SEC63: variants seen among roughly 807,000 people sequenced by gnomAD.
The protein encoded by SEC63 is SEC63 protein translocation regulator, also known as translocation protein SEC63 homolog.
In SEC63, 56 loss-of-function variants were observed where a neutral mutation model predicts 116.2. The ratio of observed to expected loss-of-function variants is 0.48; its 90% confidence interval spans 0.39 to 0.60. The LOEUF is 0.60. SEC63 is among the 20% of genes least tolerant of loss of function. SEC63 has a pLI of 0.00. For synonymous variants in SEC63, 273 were observed against 294.6 expected, an observed-to-expected ratio of 0.93 and a Z score of 0.75; for missense variants, 668 against 900.0, an observed-to-expected ratio of 0.74 and a Z score of 3.30.
intron 16 of SEC63, among the ~76,000 whole-genome samples, chr6:107,887,671 C>A (rs1435376835): frequency 6.6e-6 from 1 of 151,630 alleles, no homozygotes; most frequent in Non-Finnish European, 1.5e-5. Flanking sequence ...GTGGGTGCAG[C>A]GCACCAGCAT....
At chr6:107,927,239 T>A (rs1425190081) in intron 2 of SEC63, among the ~76,000 whole-genome samples, 1 of 151,980 alleles carries the variant, frequency 6.6e-6, no homozygotes, top group African/African-American at 2.4e-5. Context: ...ATTTTTTGTA[T>A]TTTTTTAGTA....
chr6:107,895,860 TAA>T (rs759171759), intron 14 of SEC63, among the ~76,000 whole-genome samples: 7 of 103,660 alleles, frequency 6.8e-5, no homozygotes, highest in African/African-American at 1.7e-4. Flanking sequence ...GCACCTCTAT[TAA>T]AAAAAAAAAA....
intron 1 of SEC63, among the ~76,000 whole-genome samples, chr6:107,932,913 C>G (rs944189840): frequency 6.6e-6 from 1 of 151,984 alleles, no homozygotes; most frequent in Non-Finnish European, 1.5e-5. Flanking sequence ...GTGGGGTAGG[C>G]TGAATAACTG....
intron 1 of SEC63, among the ~76,000 whole-genome samples, chr6:107,944,336 T>C (rs147131067): frequency 2.0e-3 from 300 of 152,274 alleles, no homozygotes; most frequent in African/African-American, 7.0e-3. Flanking sequence ...TAGAAAGATC[T>C]CTATTAGATA....
chr6:107,878,109 T>C (rs927640159), intron 18 of SEC63, among the ~76,000 whole-genome samples: 2 of 152,242 alleles, frequency 1.3e-5, no homozygotes, highest in Admixed American at 6.5e-5. Context: ...GGCTGTGTTC[T>C]AATAAAACTT....
In SEC63 at chr6:107,957,935, G is replaced by A. The variant is rs1197592141; in HGVS notation, c.75C>T (p.Leu25=). The part of the protein sequence containing the change: ...FFYFLTSFVG[L]IVIPATYYLW... ...GGTAGTATGTCGCCGGGATCACGAT[G>A]AGCCCCACGAAGGAGGTGAGGAAGT... The change falls in exon 1 of 21, where the codon CTC becomes CTT. Residue 25 remains leucine (L), a synonymous_variant. Coordinates refer to ENST00000369002, the MANE Select transcript of SEC63 (RefSeq NM_007214.5). 5 of 1,613,290 alleles carry A rather than the reference G, an allele frequency of 3.1e-6. No homozygotes were observed. The highest frequency in any genetic ancestry group is 3.4e-6 in the Non-Finnish European group (4 of 1,179,572).
At chr6:107,889,625 A>G (rs1404946856) in intron 16 of SEC63, among the ~76,000 whole-genome samples, 1 of 151,628 alleles carries the variant, frequency 6.6e-6, no homozygotes. Context: ...GTCTTCTGCT[A>G]GCTTTTGAAT....
intron 1 of SEC63, among the ~76,000 whole-genome samples, chr6:107,939,836 A>G (rs1770336654): frequency 6.6e-6 from 1 of 152,224 alleles, no homozygotes; most frequent in Admixed American, 6.5e-5. Context: ...GTTTCAGAAT[A>G]TAAAAGGCAT....
At chr6:107,896,853 C>T (rs1226173184) in intron 14 of SEC63, among the ~76,000 whole-genome samples, 1 of 151,926 alleles carries the variant, frequency 6.6e-6, no homozygotes, top group Non-Finnish European at 1.5e-5. Flanking sequence ...GTGGCGTGTG[C>T]CTGTAATCCC....
intron 1 of SEC63, among the ~76,000 whole-genome samples, chr6:107,931,563 C>G (rs972181499): frequency 6.6e-6 from 1 of 150,658 alleles, no homozygotes. Flanking sequence ...TCCTAGCTAA[C>G]ACAGTGAAAC....
chr6:107,950,773 A>G (rs1770565641), intron 1 of SEC63, among the ~76,000 whole-genome samples: 3 of 152,232 alleles, frequency 2.0e-5, no homozygotes, highest in African/African-American at 7.2e-5. Flanking sequence ...GGGAAGATCA[A>G]GCCCCAAAAG....
Position 107,897,529 on chromosome 6 carries a change from C to A in SEC63, c.1440+120G>T. 13 of 752,268 alleles carry A rather than the reference C, an allele frequency of 1.7e-5. No individual in the cohort carries two copies. The South Asian group carries it at 2.0e-4, about 11-fold the overall frequency. 46.6% of individuals were successfully genotyped at this position (752,268 alleles called of 1,614,324 possible). ...TAATTTAAAATTTCAAAAGAGTTAA[C>A]AGAATTTGCAAAATTAGATCTTGGT... On this transcript the variant is annotated intron_variant, in intron 14 of 20. Coordinates refer to ENST00000369002, the MANE Select transcript of SEC63 (RefSeq NM_007214.5).
rs940791849 is a variant in SEC63, at chr6:107,882,964, ATTAT to A, written c.1833+20_1833+23del. Reference sequence around the variant, plus strand: ...CAGAGATATAATTCCAATTATTTAAATTATTTAAACCTATAAGGCTTACTGCTTC... The same window carrying A: ...CAGAGATATAATTCCAATTATTTAAATTAAACCTATAAGGCTTACTGCTTC... On this transcript the variant is annotated intron_variant, in intron 17 of 20. Coordinates refer to ENST00000369002, the MANE Select transcript of SEC63 (RefSeq NM_007214.5). The A allele has an allele frequency of 6.9e-7, 1 of 1,457,594 alleles. No homozygotes were observed. Among genetic ancestry groups the A allele is most frequent in the Non-Finnish European group, 9.6e-7 (1 of 1,044,154 alleles). The allele number at this position is 1,457,594 out of a possible 1,614,324, so 90.3% of individuals were successfully genotyped here.
chr6:107,909,135 A>C, intron 7 of SEC63, 100 bp from the exon 8 acceptor site: 2 of 800,920 alleles, frequency 2.5e-6, no homozygotes, highest in Non-Finnish European at 4.2e-6. Flanking sequence ...TGGGAGGCTG[A>C]GGTGAGAGGA....
intron 16 of SEC63, among the ~76,000 whole-genome samples, chr6:107,892,434 C>T (rs779805656): frequency 1.6e-4 from 25 of 152,116 alleles, no homozygotes; most frequent in Non-Finnish European, 3.2e-4. Context: ...TTATCAACTA[C>T]GGTAATAATG....
At chr6:107,941,435 C>T (rs1231544289) in intron 1 of SEC63, among the ~76,000 whole-genome samples, 2 of 151,656 alleles carry the variant, frequency 1.3e-5, no homozygotes, top group Non-Finnish European at 2.9e-5. Context: ...CCCAGGAGAT[C>T]CAGGCTGCAA....
chr6:107,911,451 T>C (rs764997894), intron 6 of SEC63, 55 bp from the exon 7 acceptor site: 53 of 1,201,884 alleles, frequency 4.4e-5, no homozygotes, highest in Non-Finnish European at 6.1e-5. Context: ...TAAAACAACA[T>C]CCATGAATTT....
Position 107,869,767 on chromosome 6 carries a change from T to C in SEC63, c.*1937A>G, listed in dbSNP as rs1786085173. 1 of 71,000 alleles carries C rather than the reference T, an allele frequency of 1.4e-5. No homozygotes were observed. The highest frequency in any genetic ancestry group is 3.0e-4 in the East Asian group (1 of 3,352). 4.4% of individuals were successfully genotyped at this position (71,000 alleles called of 1,614,324 possible). A position where few individuals can be genotyped will look rare whatever the true frequency, so the allele number is the denominator to read the frequency against. On this transcript the variant is annotated 3_prime_UTR_variant, in exon 21 of 21. Transcript: ENST00000369002. Reference sequence around the variant, plus strand: ...ACAAACTGGTGGAATTTTCTGGTGATGGTAGTTTTTTTTTTTTTTTTTTTT... The same window carrying C: ...ACAAACTGGTGGAATTTTCTGGTGACGGTAGTTTTTTTTTTTTTTTTTTTT...
chr6:107,921,185 C>G (rs766329495), intron 4 of SEC63, among the ~76,000 whole-genome samples: 1 of 151,428 alleles, frequency 6.6e-6, no homozygotes, highest in South Asian at 2.1e-4. Context: ...ACAAGAGAAA[C>G]AGATCAAGCC....
Sources: allele counts gnomAD v4.1 joint callset (sites outside exome capture counted in the v4.1 genomes callset), GRCh38; gene constraint gnomAD v4.1.1; transcripts MANE v1.5; gene names NCBI Gene and HGNC (gene_info 2026-07-23, HGNC 2026-07-21).